The following EFR3B variants were observed in gnomAD, a reference collection of about 807,000 sequenced individuals.
EFR3B encodes the protein EFR3 homolog B.
EFR3B carries 64 observed loss-of-function variants against 104.7 expected under a neutral mutation model. That is an observed-to-expected ratio of 0.61 (90% CI 0.50 to 0.75). EFR3B has a LOEUF of 0.75. Among genes scored for constraint, EFR3B ranks in the 30% least tolerant of loss-of-function variants. The pLI is 0.00. For missense variants in EFR3B, 750 were observed against 1,078.5 expected (o/e 0.70, Z 4.27); for synonymous variants, 385 against 417.9 (o/e 0.92, Z 0.96).
intron 1 of EFR3B, among the ~76,000 whole-genome samples, chr2:25,068,479 C>T (rs917603923): frequency 1.3e-5 from 2 of 152,122 alleles, no homozygotes; most frequent in Admixed American, 1.3e-4. Context: ...ATTTCTCAAG[C>T]CTCATTCATT....
chr2:25,124,759 AAAAAG>A (rs1670119745), intron 5 of EFR3B, among the ~76,000 whole-genome samples: 1 of 149,184 alleles, frequency 6.7e-6, no homozygotes, highest in Non-Finnish European at 1.5e-5. Flanking sequence ...AAAAAAAAAA[AAAAAG>A]GAGCAGTAAG....
At chr2:25,056,066 C>A (rs987856634) in intron 1 of EFR3B, among the ~76,000 whole-genome samples, 1 of 152,184 alleles carries the variant, frequency 6.6e-6, no homozygotes, top group East Asian at 1.9e-4. Flanking sequence ...ACATAGCAGC[C>A]GGTGTTTCCA....
chr2:25,120,961 G>T (rs1669996684), intron 4 of EFR3B, among the ~76,000 whole-genome samples: 1 of 152,116 alleles, frequency 6.6e-6, no homozygotes, highest in African/African-American at 2.4e-5. Context: ...GAGCGCAGTG[G>T]TGTGATCTCG....
intron 20 of EFR3B, 113 bp downstream of exon 20, chr2:25,149,855 G>GCTT (rs1670952385): frequency 2.1e-6 from 2 of 955,388 alleles, no homozygotes; most frequent in East Asian, 5.3e-5. Context: ...TCCAGCACCT[G>GCTT]CGTGAAGGGA....
chr2:25,110,336 C>G (rs67616642), intron 4 of EFR3B, among the ~76,000 whole-genome samples: 29,736 of 152,104 alleles, frequency 0.2, 3,143 homozygotes, highest in South Asian at 0.28. Flanking sequence ...CACATATGTG[C>G]GTTAGGAGTT....
intron 21 of EFR3B, 66 bp downstream of exon 21, chr2:25,152,086 A>G: frequency 6.8e-7 from 1 of 1,480,796 alleles, no homozygotes; most frequent in Non-Finnish European, 9.2e-7. Context: ...GGTCCAGGAC[A>G]GGATTAAGTT....
At chr2:25,084,726 C>T (rs1189763698) in intron 1 of EFR3B, among the ~76,000 whole-genome samples, 1 of 152,146 alleles carries the variant, frequency 6.6e-6, no homozygotes, top group Non-Finnish European at 1.5e-5. Flanking sequence ...AAAGGTGGGA[C>T]AACTTGAGGC....
intron 4 of EFR3B, among the ~76,000 whole-genome samples, chr2:25,111,953 C>G (rs1206082235): frequency 6.6e-6 from 1 of 152,218 alleles, no homozygotes; most frequent in Admixed American, 6.5e-5. Flanking sequence ...CTGTTTTAAG[C>G]CACTAAATTG....
intron 1 of EFR3B, among the ~76,000 whole-genome samples, chr2:25,068,817 G>A (rs1047067426): frequency 3.3e-5 from 5 of 151,752 alleles, no homozygotes; most frequent in African/African-American, 1.2e-4. Flanking sequence ...TTTTAGTAGC[G>A]ATGGGGTTTC....
At chr2:25,077,613 G>T (rs1302273458) in intron 1 of EFR3B, among the ~76,000 whole-genome samples, 3 of 152,164 alleles carry the variant, frequency 2.0e-5, no homozygotes, top group African/African-American at 7.2e-5. Flanking sequence ...AAGAAAGTAA[G>T]TGCTCACAAT....
chr2:25,082,102 C>G (rs950293117), intron 1 of EFR3B, among the ~76,000 whole-genome samples: 13 of 152,198 alleles, frequency 8.5e-5, no homozygotes, highest in Non-Finnish European at 1.6e-4. Context: ...CGTCCTCTGT[C>G]GCAAGGCTGC....
At chr2:25,097,811 G>C (rs536890503) in intron 3 of EFR3B, among the ~76,000 whole-genome samples, 1 of 152,294 alleles carries the variant, frequency 6.6e-6, no homozygotes, top group East Asian at 1.9e-4. Flanking sequence ...GAGCAGGGGA[G>C]GGAACAGCAG....
intron 5 of EFR3B, among the ~76,000 whole-genome samples, chr2:25,125,178 A>T (rs1387978857): frequency 6.6e-6 from 1 of 152,232 alleles, no homozygotes; most frequent in Non-Finnish European, 1.5e-5. Flanking sequence ...TGAATCGTGC[A>T]TTTGTGGAAG....
chr2:25,077,772 T>C (rs1668677594), intron 1 of EFR3B, among the ~76,000 whole-genome samples: 1 of 152,262 alleles, frequency 6.6e-6, no homozygotes, highest in Non-Finnish European at 1.5e-5. Flanking sequence ...TTCTAAGTGA[T>C]GTTCATTTTC....
In EFR3B at chr2:25,153,773, C is replaced by T. The variant is rs945767330; in HGVS notation, c.2348+12C>T. ...GAAATCACCATCCGGTAAGTGACAA[C>T]CCTGGGCAGGGGACCCTGACCTCCG... On this transcript the variant is annotated intron_variant, in intron 22 of 22. Transcript: ENST00000403714. 1.9e-6 allele frequency: 3 copies of T among 1,551,542 alleles called. No individual in the cohort carries two copies. The highest frequency in any genetic ancestry group is 2.6e-6 in the Non-Finnish European group (3 of 1,146,994).
At chr2:25,044,166 G>T (rs1315876571) in intron 1 of EFR3B, among the ~76,000 whole-genome samples, 5 of 152,198 alleles carry the variant, frequency 3.3e-5, no homozygotes, top group African/African-American at 1.2e-4. Context: ...TACCCTGAAT[G>T]ATTCATAGAA....
rs1265504675 is a variant in EFR3B, at chr2:25,144,943, G to A, written c.2051-17G>A. On this transcript the variant is annotated splice_polypyrimidine_tract_variant and intron_variant, in intron 18 of 22. Transcript: ENST00000403714. ...TGAGGGCTGGGAACTAAAGCCTCTG[G>A]GCTGCTTCTTCCCCAGATGAGGATC... is the stretch of plus-strand genomic sequence containing the variant. 3 of 1,550,866 alleles carry A rather than the reference G, an allele frequency of 1.9e-6. No homozygotes were observed. The highest frequency in any genetic ancestry group is 3.9e-5 in the Admixed American group (2 of 50,994).
At chr2:25,140,001 A>T (rs1182767429) in intron 16 of EFR3B, among the ~76,000 whole-genome samples, 2 of 152,160 alleles carry the variant, frequency 1.3e-5, no homozygotes, top group East Asian at 3.9e-4. Flanking sequence ...TGATACCAAC[A>T]TGTAGGATTA....
intron 4 of EFR3B, 113 bp from the exon 5 acceptor site, chr2:25,121,560 C>G (rs1670014972): frequency 1.5e-6 from 2 of 1,372,290 alleles, no homozygotes; most frequent in Non-Finnish European, 2.0e-6. Flanking sequence ...CAAGCTGGCT[C>G]CAGGATGCGT....
Sources: gnomAD v4.1 joint callset for allele counts (sites outside exome capture counted in the v4.1 genomes callset) on GRCh38, gnomAD v4.1.1 for gene constraint, MANE v1.5 for transcripts, NCBI Gene and HGNC (gene_info 2026-07-23, HGNC 2026-07-21) for gene names.